ATG2B: variants seen among roughly 807,000 people sequenced by gnomAD.
ATG2B encodes autophagy-related protein 2 homolog B.
Under a neutral mutation model 241.3 loss-of-function variants are expected in ATG2B, and 121 were observed. The ratio of observed to expected loss-of-function variants is 0.50; its 90% CI spans 0.43 to 0.58. ATG2B has a LOEUF of 0.58. Ranked by LOEUF, ATG2B falls within the 20% of genes least tolerant of loss-of-function variation. The pLI is 0.00. For synonymous variants in ATG2B, 858 were observed against 876.6 expected, an observed-to-expected ratio of 0.98 and a Z score of 0.37; for missense variants, 2,306 against 2,491.6, an observed-to-expected ratio of 0.93 and a Z score of 1.59.
intron 3 of ATG2B, 30 bp downstream of exon 3, chr14:96,345,203 A>G: frequency 6.3e-7 from 1 of 1,587,414 alleles, no homozygotes; most frequent in Non-Finnish European, 8.6e-7. Flanking sequence ...ATCAAATCTA[A>G]ATTTTTGAAA....
intron 12 of ATG2B, among the ~76,000 whole-genome samples, chr14:96,329,009 T>C (rs1397893530): frequency 6.6e-6 from 1 of 152,160 alleles, no homozygotes; most frequent in Non-Finnish European, 1.5e-5. Flanking sequence ...TAAAACACTA[T>C]AAAGGGTCAA....
In ATG2B at chr14:96,332,525, T is replaced by C. The variant is rs771921684; in HGVS notation, c.1338A>G (p.Ala446=). ...CCACAGTAGCACTTAATGGAGATCC[T>C]GCTGGGGTATTTGTATATGTACTAG... The part of the protein sequence containing the change: ...SLTSTYTNTP[A]GSPLSATVLQ... Residue 446 remains alanine (A), a synonymous_variant, in exon 9 of 42, where the codon GCA becomes GCG. Coordinates refer to ENST00000359933, the MANE Select transcript of ATG2B (RefSeq NM_018036.7). The C allele has an allele frequency of 4.8e-5, 78 of 1,610,220 alleles. No homozygotes were observed. Among genetic ancestry groups the C allele is most frequent in the Non-Finnish European group, 6.5e-5 (77 of 1,178,666 alleles).
chr14:96,289,940 C>T lies in ATG2B; in HGVS notation c.5857-135G>A. 1 of 922,938 alleles carries T rather than the reference C, an allele frequency of 1.1e-6. No homozygotes were observed. The highest frequency in any genetic ancestry group is 2.7e-5 in the East Asian group (1 of 37,286). The allele number at this position is 922,938 out of a possible 1,614,324, so 57.2% of individuals were successfully genotyped here. ...CCCTAATGAAGACACTTCTGCGTAT[C>T]TGAATTCTTTACCACAAGAATTGAT... On this transcript the variant is annotated intron_variant, in intron 40 of 41. Transcript: ENST00000359933. This position sits in a 1 kb window ranked among gnomAD's most constrained non-coding sequence, Gnocchi z 4.3.
chr14:96,356,147 G>A (rs1432941308), intron 1 of ATG2B, among the ~76,000 whole-genome samples: 16 of 146,834 alleles, frequency 1.1e-4, no homozygotes, highest in Admixed American at 1.0e-3. Context: ...CTCCAACCTG[G>A]GTGACAGAGC....
At chr14:96,348,720 G>A (rs1186524476) in intron 1 of ATG2B, among the ~76,000 whole-genome samples, 1 of 151,696 alleles carries the variant, frequency 6.6e-6, no homozygotes, top group Non-Finnish European at 1.5e-5. Context: ...CAACAAGGTG[G>A]CTACAGTCAA....
chr14:96,314,645 C>A (rs1887255014), intron 23 of ATG2B, among the ~76,000 whole-genome samples: 1 of 152,156 alleles, frequency 6.6e-6, no homozygotes. Flanking sequence ...AGGTAAAAAA[C>A]CAATTACATT....
rs776325260 is a variant in ATG2B at position 96,332,540 on chromosome 14, A to G, written c.1323T>C (p.Tyr441=). ...MDLELSLTST[Y]TNTPAGSPLS... ...ATGGAGATCCTGCTGGGGTATTTGTATATGTACTAGTTAATGATAACTCAA... is the reference window on the plus strand; with the variant it reads ...ATGGAGATCCTGCTGGGGTATTTGTGTATGTACTAGTTAATGATAACTCAA... The change falls in exon 9 of 42, where the codon TAT becomes TAC. Residue 441 remains tyrosine, a synonymous_variant. Coordinates refer to ENST00000359933, the MANE Select transcript of ATG2B (RefSeq NM_018036.7). 11 of 1,611,066 alleles carry G rather than the reference A, an allele frequency of 6.8e-6. No homozygotes were observed. The highest frequency in any genetic ancestry group is 2.2e-5 in the South Asian group (2 of 90,488).
At chr14:96,352,115 T>G (rs1195349907) in intron 1 of ATG2B, among the ~76,000 whole-genome samples, 16 of 152,160 alleles carry the variant, frequency 1.1e-4, no homozygotes, top group Admixed American at 1.0e-3. Flanking sequence ...ATAGTGGTCC[T>G]GTAAGATTAT....
chr14:96,290,381 C>T lies in ATG2B; in HGVS notation c.5856+55G>A. On this transcript the variant is annotated intron_variant, in intron 40 of 41. Transcript: ENST00000359933. This position sits in a 1 kb window ranked among gnomAD's most constrained non-coding sequence, Gnocchi z 4.4. ...AGTATCGTTTTAAAAACAAAAGGAC[C>T]CAACCATTTCACAATGGCTCTTTTT... 1.3e-6 allele frequency: 2 copies of T among 1,574,912 alleles called. No homozygotes were observed. Among genetic ancestry groups the T allele is most frequent in the South Asian group, 2.3e-5 (2 of 86,164 alleles).
rs1886447622 is a variant in ATG2B at position 96,290,238 on chromosome 14, A to G, written c.5856+198T>C. ...CCTGAAATAGGCAAACAAATCTGACACTGTATTCCACTGCTTTATTCTAAT... is the reference window on the plus strand; with the variant it reads ...CCTGAAATAGGCAAACAAATCTGACGCTGTATTCCACTGCTTTATTCTAAT... On this transcript the variant is annotated intron_variant, in intron 40 of 41. Transcript: ENST00000359933. This position sits in a 1 kb window ranked among gnomAD's most constrained non-coding sequence, Gnocchi z 4.4. 1 of 1,217,632 alleles carries G rather than the reference A, an allele frequency of 8.2e-7. No individual in the cohort carries two copies. 75.4% of individuals were successfully genotyped at this position (1,217,632 alleles called of 1,614,324 possible).
At chr14:96,303,832 A>C (rs1013803614) in intron 32 of ATG2B, among the ~76,000 whole-genome samples, 2 of 152,344 alleles carry the variant, frequency 1.3e-5, no homozygotes, top group South Asian at 2.1e-4. Context: ...ATTTCCAAGG[A>C]AAATTCTCAA....
rs367582349 is a variant in ATG2B at position 96,363,225 on chromosome 14, A to C, written c.-249T>G. ...CAGGGGACTTCCGAGGAGGGTCCCA[A>C]CCGGCTCGGAGAGAGTGCAAGAGAG... is the stretch of plus-strand genomic sequence containing the variant. On this transcript the variant is annotated 5_prime_UTR_variant, in exon 1 of 42. Coordinates refer to ENST00000359933, the MANE Select transcript of ATG2B (RefSeq NM_018036.7). 11 of 466,724 alleles carry C rather than the reference A, an allele frequency of 2.4e-5. No homozygotes were observed. Among genetic ancestry groups the C allele is most frequent in the Admixed American group, 7.7e-5 (2 of 26,024 alleles). 28.9% of individuals were successfully genotyped at this position (466,724 alleles called of 1,614,324 possible).
At position 96,363,075 on chromosome 14, in the gene ATG2B, T is replaced by C; in HGVS notation, c.-99A>G. 1 of 1,406,058 alleles carries C rather than the reference T, an allele frequency of 7.1e-7. No individual in the cohort carries two copies. Among genetic ancestry groups the C allele is most frequent in the Non-Finnish European group, 1.0e-6 (1 of 1,004,232 alleles). The allele number at this position is 1,406,058 out of a possible 1,614,324, so 87.1% of individuals were successfully genotyped here. A position where few individuals can be genotyped will look rare whatever the true frequency, so the allele number is the denominator to read the frequency against. Reference sequence around the variant, plus strand: ...TCCAGGCCGCGGCGGGGCCTAAGCCTGGGGCGGCCCCTCCATCCCTATTTG... The same window carrying C: ...TCCAGGCCGCGGCGGGGCCTAAGCCCGGGGCGGCCCCTCCATCCCTATTTG... On this transcript the variant is annotated 5_prime_UTR_variant, in exon 1 of 42. Coordinates refer to ENST00000359933, the MANE Select transcript of ATG2B (RefSeq NM_018036.7).
chr14:96,291,948 A>G, intron 37 of ATG2B, 81 bp downstream of exon 37: 3 of 1,000,384 alleles, frequency 3.0e-6, no homozygotes, highest in Admixed American at 2.3e-5. Context: ...AAACTATGAC[A>G]AAGCAAAGTT....
At chr14:96,319,992 G>T (rs1203869540) in intron 18 of ATG2B, among the ~76,000 whole-genome samples, 1 of 152,072 alleles carries the variant, frequency 6.6e-6, no homozygotes, top group African/African-American at 2.4e-5. Flanking sequence ...GGGCCTGAGA[G>T]ACCAAAAAGT....
In ATG2B at chr14:96,281,167, G is replaced by A. The variant is rs1006564678; in HGVS notation, c.*4588C>T. On this transcript the variant is annotated 3_prime_UTR_variant, in exon 42 of 42. Transcript: ENST00000359933. ...CTGGAACATCATTTCCCAATAACAAGGTCTGAGGCAGATGTACACCCCACC... is the reference window on the plus strand; with the variant it reads ...CTGGAACATCATTTCCCAATAACAAAGTCTGAGGCAGATGTACACCCCACC... 1 of 151,994 alleles carries A rather than the reference G, an allele frequency of 6.6e-6. No homozygotes were observed. The highest frequency in any genetic ancestry group is 1.5e-5 in the Non-Finnish European group (1 of 68,016). 9.4% of individuals were successfully genotyped at this position (151,994 alleles called of 1,614,324 possible). A position where few individuals can be genotyped will look rare whatever the true frequency, so the allele number is the denominator to read the frequency against.
Position 96,289,623 on chromosome 14 carries a change from G to A in ATG2B, c.6006+33C>T. 6.2e-7 allele frequency: 1 copy of A among 1,608,436 alleles called. No individual in the cohort carries two copies. Among genetic ancestry groups the A allele is most frequent in the Non-Finnish European group, 8.5e-7 (1 of 1,177,404 alleles). ...TGAAAGTTGGGAAAGCGCACAGAAGGGTTCTGATGTGTCCACCCAAGTATT... is the reference window on the plus strand; with the variant it reads ...TGAAAGTTGGGAAAGCGCACAGAAGAGTTCTGATGTGTCCACCCAAGTATT... On this transcript the variant is annotated intron_variant, in intron 41 of 41. Transcript: ENST00000359933. The surrounding 1 kb of genome is among the most constrained non-coding windows in gnomAD (Gnocchi z 4.3).
At chr14:96,332,238 G>T (rs1426000560) in intron 10 of ATG2B, 67 bp downstream of exon 10, 5 of 1,203,872 alleles carry the variant, frequency 4.2e-6, no homozygotes, top group Non-Finnish European at 6.0e-6. Context: ...AGAAAGAAAA[G>T]CACCAGTAGA....
chr14:96,290,546 G>A lies in ATG2B; in HGVS notation c.5746C>T (p.Arg1916Trp), dbSNP rs148160259. 54 of 1,613,992 alleles carry A rather than the reference G, an allele frequency of 3.3e-5. No individual in the cohort carries two copies. The highest frequency in any genetic ancestry group is 3.7e-5 in the Non-Finnish European group (44 of 1,180,028). The part of the protein sequence containing the change: ...DLVWLPIEQY[R>W]KDGRIVRGFQ... ...CCTCTGACAATGCGGCCATCCTTCC[G>A]GTACTGCTCTATTGGGAGCCAGACC... The change falls in exon 40 of 42, where the codon CGG (arginine) becomes TGG (tryptophan). Residue 1916 changes from arginine to tryptophan, a missense_variant. By Grantham distance (101) the Arg-to-Trp change is moderately radical. Around this residue, in one of 2 missense-constraint regions of ATG2B, gnomAD observed 379 missense variants for 480.4 expected, o/e 0.79. Coordinates refer to ENST00000359933, the MANE Select transcript of ATG2B (RefSeq NM_018036.7). The surrounding 1 kb of genome is among the most constrained non-coding windows in gnomAD (Gnocchi z 4.4).
Sources: allele counts gnomAD v4.1 joint callset (sites outside exome capture counted in the v4.1 genomes callset), GRCh38; gene constraint gnomAD v4.1.1; regional missense constraint gnomAD v4.1.1; non-coding constraint Gnocchi (gnomAD v3.1); transcripts MANE v1.5; gene names NCBI Gene and HGNC (gene_info 2026-07-23, HGNC 2026-07-21).